CAPN7: variants seen among roughly 807,000 people sequenced by gnomAD.
The protein encoded by CAPN7 is calpain-7.
A neutral mutation model predicts 115.2 loss-of-function variants in CAPN7; 72 were observed. The ratio of observed to expected loss-of-function variants is 0.63; its 90% confidence interval spans 0.52 to 0.76. The LOEUF (loss-of-function observed/expected upper bound fraction) is 0.76, where lower values mean the gene tolerates loss of function less well. CAPN7 is among the 30% of genes least tolerant of loss of function. The pLI is 0.00. For synonymous variants in CAPN7, 344 were observed against 322.3 expected, an observed-to-expected ratio of 1.07 and a Z score of -0.72; for missense variants, 905 against 971.5, an observed-to-expected ratio of 0.93 and a Z score of 0.91.
chr3:15,228,941 G>A, intron 7 of CAPN7, 33 bp from the exon 8 acceptor site: 2 of 1,465,182 alleles, frequency 1.4e-6, no homozygotes, highest in Non-Finnish European at 9.5e-7. Flanking sequence ...TTACGTGAAT[G>A]AATATGAATA....
rs1043037220 is a variant in CAPN7 at position 15,206,582 on chromosome 3, G to C, written c.87G>C (p.Ala29=). 2.6e-6 allele frequency: 4 copies of C among 1,549,878 alleles called. No homozygotes were observed. The highest frequency in any genetic ancestry group is 3.5e-6 in the Non-Finnish European group (4 of 1,146,814). ...ACCACGAAGGCCGCTACTCCGAGGC[G>C]GTGTTTTATTACAAGGTAGGGCCGG... ...QRDHEGRYSE[A]VFYYKEAAQA... Residue 29 remains alanine (A), a synonymous_variant, in exon 1 of 21, where the codon GCG becomes GCC. Transcript: ENST00000253693.
At chr3:15,249,270 T>C (rs1695861684) in intron 19 of CAPN7, among the ~76,000 whole-genome samples, 1 of 152,242 alleles carries the variant, frequency 6.6e-6, no homozygotes, top group Admixed American at 6.5e-5. Flanking sequence ...GTAATAATGT[T>C]CATTACAATA....
intron 19 of CAPN7, among the ~76,000 whole-genome samples, chr3:15,249,690 C>G (rs981382843): frequency 1.3e-5 from 2 of 152,030 alleles, no homozygotes; most frequent in African/African-American, 2.4e-5. Context: ...ATGCTAAGTA[C>G]TTCTGTAAAT....
intron 12 of CAPN7, among the ~76,000 whole-genome samples, chr3:15,235,419 A>G (rs1694928037): frequency 6.6e-6 from 1 of 152,204 alleles, no homozygotes; most frequent in Non-Finnish European, 1.5e-5. Flanking sequence ...TTTGAGGCGG[A>G]ATACATAGCT....
At chr3:15,250,604 G>A (rs565000806) in intron 19 of CAPN7, among the ~76,000 whole-genome samples, 4 of 152,256 alleles carry the variant, frequency 2.6e-5, no homozygotes, top group African/African-American at 4.8e-5. Context: ...CCCAGGAGGC[G>A]GAGGTTGCAG....
chr3:15,228,983 T>C lies in CAPN7; in HGVS notation c.862T>C (p.Ser288Pro), dbSNP rs1694505009. Residue 288 changes from serine to proline, a missense_variant, in exon 8 of 21, where the codon TCG (serine) becomes CCG (proline). Transcript: ENST00000253693. The part of the protein sequence containing the change: ...SSFSIKQTIV[S>P]DCSFVASLAI... Reference sequence around the variant, plus strand: ...TTATTCTTATTAACAGACAATAGTATCGGATTGCTCCTTTGTGGCATCACT... The same window carrying C: ...TTATTCTTATTAACAGACAATAGTACCGGATTGCTCCTTTGTGGCATCACT... The C allele has an allele frequency of 6.2e-7, 1 of 1,610,488 alleles. No individual in the cohort carries two copies. The highest frequency in any genetic ancestry group is 8.5e-7 in the Non-Finnish European group (1 of 1,177,386).
Position 15,247,343 on chromosome 3 carries a change from G to T in CAPN7, c.2090G>T (p.Ser697Ile), listed in dbSNP as rs151085350. The T allele has an allele frequency of 3.2e-6, 5 of 1,572,244 alleles. No homozygotes were observed. In the African/African-American group the frequency reaches 7.0e-5, roughly 22 times the overall value. ...TTTTATTAGATTAATGGAAAGTGGA[G>T]TGGTCAGAGTGCTGGAGGATGTGGA... The part of the protein sequence containing the change: ...TLSKRINGKW[S>I]GQSAGGCGNF... Residue 697 changes from serine to isoleucine, a missense_variant, in exon 19 of 21, where the codon AGT (serine) becomes ATT (isoleucine). Transcript: ENST00000253693.
chr3:15,222,163 C>T (rs906887369), intron 5 of CAPN7, among the ~76,000 whole-genome samples: 1 of 151,978 alleles, frequency 6.6e-6, no homozygotes, highest in African/African-American at 2.4e-5. Flanking sequence ...TTGCCGACCC[C>T]CTGTCTAGCG....
chr3:15,218,255 T>C (rs1271691627), intron 3 of CAPN7, among the ~76,000 whole-genome samples: 4 of 152,214 alleles, frequency 2.6e-5, no homozygotes, highest in Non-Finnish European at 4.4e-5. Context: ...GGTCCAGTTA[T>C]CAGTTGTCCA....
chr3:15,228,216 G>C (rs142235364), intron 7 of CAPN7, among the ~76,000 whole-genome samples: 1,908 of 152,168 alleles, frequency 0.013, 22 homozygotes, highest in Non-Finnish European at 0.021. Flanking sequence ...TAAAACTTGA[G>C]AATCTGAATT....
rs561073392 is a variant in CAPN7 at position 15,206,415 on chromosome 3, C to T, written c.-81C>T. The T allele has an allele frequency of 2.7e-6, 3 of 1,100,082 alleles. No individual in the cohort carries two copies. Among genetic ancestry groups the T allele is most frequent in the Admixed American group, 4.5e-5 (2 of 44,016 alleles). 68.1% of individuals were successfully genotyped at this position (1,100,082 alleles called of 1,614,324 possible). ...TTCCGCGGCGCTCCCGAGTCCTCGC[C>T]GCCGCCGGGCCGCCGCAGTCCGCGA... On this transcript the variant is annotated 5_prime_UTR_variant, in exon 1 of 21. Transcript: ENST00000253693.
chr3:15,247,147 A>C, intron 18 of CAPN7, 180 bp from the exon 19 acceptor site: 1 of 583,144 alleles, frequency 1.7e-6, no homozygotes, highest in Non-Finnish European at 3.0e-6. Flanking sequence ...AAGAGATGGA[A>C]ATAGGGGTTA....
chr3:15,221,346 ATT>A (rs772108590), intron 5 of CAPN7, among the ~76,000 whole-genome samples: 7 of 104,332 alleles, frequency 6.7e-5, no homozygotes, highest in East Asian at 2.8e-4. Flanking sequence ...CATCTGACTA[ATT>A]TTTTTTTTTT....
chr3:15,207,039 G>T (rs1031931712), intron 1 of CAPN7, among the ~76,000 whole-genome samples: 11 of 152,290 alleles, frequency 7.2e-5, no homozygotes, highest in African/African-American at 2.6e-4. Flanking sequence ...ACAGTCATGC[G>T]TCCTTAGCGA....
At chr3:15,220,645 G>T in intron 4 of CAPN7, 136 bp from the exon 5 acceptor site, 1 of 667,588 alleles carries the variant, frequency 1.5e-6, no homozygotes, top group South Asian at 2.0e-5. Context: ...GTGAAATGTT[G>T]ATTAGTATGT....
intron 4 of CAPN7, among the ~76,000 whole-genome samples, chr3:15,219,259 A>G (rs1220478392): frequency 6.6e-6 from 1 of 152,224 alleles, no homozygotes; most frequent in Non-Finnish European, 1.5e-5. Flanking sequence ...AGTTTGCATA[A>G]GCGAATTATA....
At position 15,218,455 on chromosome 3, in the gene CAPN7, CTCTT is replaced by C; in HGVS notation, c.370-10_370-7del. ...AATAATTATGCTTTAAAATGTCTGTCTCTTTCTTTCTCTTAAGTCTTATGAAACT... is the reference window on the plus strand; with the variant it reads ...AATAATTATGCTTTAAAATGTCTGTCTCTTTCTCTTAAGTCTTATGAAACT... On this transcript the variant is annotated splice_polypyrimidine_tract_variant and intron_variant, in intron 3 of 20. Transcript: ENST00000253693. 6.3e-7 allele frequency: 1 copy of C among 1,575,332 alleles called. No homozygotes were observed. Among genetic ancestry groups the C allele is most frequent in the Non-Finnish European group, 8.7e-7 (1 of 1,151,444 alleles).
chr3:15,249,543 C>A (rs1046051383), intron 19 of CAPN7, among the ~76,000 whole-genome samples: 1 of 152,058 alleles, frequency 6.6e-6, no homozygotes, highest in African/African-American at 2.4e-5. Flanking sequence ...CAATTTTTTG[C>A]ATTTAAAAAA....
At chr3:15,231,818 G>C (rs750647713) in intron 9 of CAPN7, among the ~76,000 whole-genome samples, 2 of 152,056 alleles carry the variant, frequency 1.3e-5, no homozygotes, top group South Asian at 2.1e-4. Flanking sequence ...GTGAGCCACC[G>C]CGCCCAGCCT....
Sources: allele counts gnomAD v4.1 joint callset (sites outside exome capture counted in the v4.1 genomes callset), GRCh38; gene constraint gnomAD v4.1.1; transcripts MANE v1.5; gene names NCBI Gene and HGNC (gene_info 2026-07-23, HGNC 2026-07-21).